UNC5D: variants seen among roughly 807,000 people sequenced by gnomAD.
The protein encoded by UNC5D is netrin receptor UNC5D.
A neutral mutation model predicts 105.4 loss-of-function variants in UNC5D; 39 were observed. That is an observed-to-expected ratio of 0.37 (90% CI 0.29 to 0.48). The LOEUF (loss-of-function observed/expected upper bound fraction) is 0.48, where lower values mean the gene tolerates loss of function less well. Ranked by LOEUF, UNC5D falls within the 20% of genes least tolerant of loss-of-function variation. UNC5D has a pLI of 0.98. For missense variants in UNC5D, 991 were observed against 1,202.4 expected (o/e 0.82, Z 2.60); for synonymous variants, 452 against 450.4 (o/e 1.00, Z -0.04).
intron 7 of UNC5D, 130 bp downstream of exon 7, chr8:35,686,839 A>T: frequency 8.3e-7 from 1 of 1,201,706 alleles, no homozygotes; most frequent in South Asian, 1.6e-5. Flanking sequence ...GGCAAAAATA[A>T]ATTAGGTAAA....
At chr8:35,382,296 C>T (rs1038986018) in intron 1 of UNC5D, among the ~76,000 whole-genome samples, 1 of 152,172 alleles carries the variant, frequency 6.6e-6, no homozygotes, top group Non-Finnish European at 1.5e-5. Flanking sequence ...TGATATGTAA[C>T]TCAGGCCAGA....
intron 1 of UNC5D, among the ~76,000 whole-genome samples, chr8:35,540,718 C>A (rs979728960): frequency 4.6e-5 from 7 of 151,548 alleles, no homozygotes; most frequent in African/African-American, 1.7e-4. Context: ...GGTGTAGAAT[C>A]TCTGGCTTAG....
chr8:35,465,006 T>C (rs1809194778), intron 1 of UNC5D, among the ~76,000 whole-genome samples: 1 of 152,192 alleles, frequency 6.6e-6, no homozygotes, highest in South Asian at 2.1e-4. Context: ...ATAGTGATGG[T>C]TTTCTACTTG....
intron 13 of UNC5D, 101 bp downstream of exon 13, chr8:35,750,910 A>G (rs1261579878): frequency 7.8e-6 from 11 of 1,414,016 alleles, no homozygotes; most frequent in Non-Finnish European, 1.1e-5. Context: ...GGTCTAGAAA[A>G]TGAACCCACG....
chr8:35,529,963 T>G (rs923463256), intron 1 of UNC5D, among the ~76,000 whole-genome samples: 1 of 151,484 alleles, frequency 6.6e-6, no homozygotes, highest in African/African-American at 2.4e-5. Flanking sequence ...AATGGGGTTT[T>G]CTATATATAC....
At chr8:35,525,172 G>A in intron 1 of UNC5D, 3 of 1,609,640 alleles carry the variant, frequency 1.9e-6, no homozygotes, top group African/African-American at 1.3e-5. Context: ...CCATGTGTAC[G>A]GACTCAGGAT....
chr8:35,759,475 G>A lies in UNC5D; in HGVS notation c.2313+6G>A. The A allele has an allele frequency of 1.2e-6, 2 of 1,606,710 alleles. No individual in the cohort carries two copies. Among genetic ancestry groups the A allele is most frequent in the East Asian group, 2.2e-5 (1 of 44,786 alleles). On this transcript the variant is annotated splice_donor_region_variant and intron_variant, in intron 14 of 16. Transcript: ENST00000404895. Reference sequence around the variant, plus strand: ...AACCATTCACTGCCTGCCAGGTACTGGCCAAATGGGTTTCTAACAGAAACG... The same window carrying A: ...AACCATTCACTGCCTGCCAGGTACTAGCCAAATGGGTTTCTAACAGAAACG...
At chr8:35,536,371 TC>T (rs1173321250) in intron 1 of UNC5D, among the ~76,000 whole-genome samples, 1 of 152,212 alleles carries the variant, frequency 6.6e-6, no homozygotes, top group Non-Finnish European at 1.5e-5. Flanking sequence ...CATATAAGCA[TC>T]AAAACTTCAT....
At chr8:35,276,771 T>C (rs1422137114) in intron 1 of UNC5D, among the ~76,000 whole-genome samples, 1 of 152,198 alleles carries the variant, frequency 6.6e-6, no homozygotes, top group African/African-American at 2.4e-5. Context: ...TAAAAGCCAG[T>C]GCTCTTATAC....
chr8:35,307,493 T>C (rs926964765), intron 1 of UNC5D, among the ~76,000 whole-genome samples: 2 of 152,170 alleles, frequency 1.3e-5, no homozygotes, highest in Non-Finnish European at 2.9e-5. Flanking sequence ...CTGGTACTAG[T>C]TACTAATGGG....
At chr8:35,692,120 G>A (rs1000596593) in intron 7 of UNC5D, among the ~76,000 whole-genome samples, 3 of 152,118 alleles carry the variant, frequency 2.0e-5, no homozygotes, top group Admixed American at 1.3e-4. Context: ...TCAGTAAAAC[G>A]GTGGTTTTCA....
intron 16 of UNC5D, among the ~76,000 whole-genome samples, chr8:35,783,070 G>C (rs1005590483): frequency 6.6e-6 from 1 of 151,930 alleles, no homozygotes; most frequent in African/African-American, 2.4e-5. Flanking sequence ...TTGAGCCTGA[G>C]AGGTCAAAGC....
chr8:35,518,405 A>C (rs975434176), intron 1 of UNC5D, among the ~76,000 whole-genome samples: 2 of 152,196 alleles, frequency 1.3e-5, no homozygotes, highest in African/African-American at 4.8e-5. Context: ...GATTTATAAA[A>C]ATTTATGAAA....
chr8:35,380,094 G>GA (rs1343623685), intron 1 of UNC5D, among the ~76,000 whole-genome samples: 1 of 97,208 alleles, frequency 1.0e-5, no homozygotes, highest in Non-Finnish European at 2.1e-5. Context: ...GGGTGGGGGG[G>GA]GGGTCGGGGA....
intron 8 of UNC5D, among the ~76,000 whole-genome samples, chr8:35,719,139 T>TACACAC (rs1281900246): frequency 1.5e-5 from 1 of 67,248 alleles, no homozygotes; most frequent in South Asian, 5.7e-4. Context: ...CACATGTGCT[T>TACACAC]ATACACACAC....
At chr8:35,751,931 G>A (rs1169485689) in intron 13 of UNC5D, among the ~76,000 whole-genome samples, 6 of 151,916 alleles carry the variant, frequency 3.9e-5, no homozygotes, top group Non-Finnish European at 8.8e-5. Flanking sequence ...ACCACATCAA[G>A]AGAAAAAAAG....
intron 4 of UNC5D, among the ~76,000 whole-genome samples, chr8:35,653,163 C>T (rs146926179): frequency 2.2e-4 from 34 of 152,162 alleles, no homozygotes; most frequent in Non-Finnish European, 4.3e-4. Context: ...CTCTTGACCT[C>T]ATGATTCGCC....
At chr8:35,369,129 T>C (rs1460801464) in intron 1 of UNC5D, among the ~76,000 whole-genome samples, 1 of 152,192 alleles carries the variant, frequency 6.6e-6, no homozygotes, top group South Asian at 2.1e-4. Context: ...TCTAATGATA[T>C]ACAATTTTAA....
chr8:35,787,780 G>A (rs570802062), intron 16 of UNC5D, among the ~76,000 whole-genome samples: 1 of 152,160 alleles, frequency 6.6e-6, no homozygotes, highest in South Asian at 2.1e-4. Flanking sequence ...ACTGCACCCT[G>A]GCTAATTTAT....
Sources: allele counts gnomAD v4.1 joint callset (sites outside exome capture counted in the v4.1 genomes callset), GRCh38; gene constraint gnomAD v4.1.1; transcripts MANE v1.5; gene names NCBI Gene and HGNC (gene_info 2026-07-23, HGNC 2026-07-21).